Variants in MOV10L1 observed in about 807,000 individuals in gnomAD.
MOV10L1 encodes the protein RNA helicase Mov10l1.
MOV10L1 carries 110 observed loss-of-function variants against 143.8 expected under a neutral mutation model. The ratio of observed to expected loss-of-function variants is 0.76; its 90% CI spans 0.66 to 0.90. The LOEUF is 0.90. Among genes scored for constraint, MOV10L1 ranks in the 40% least tolerant of loss-of-function variants. The pLI is 0.00. For synonymous variants in MOV10L1, 593 were observed against 581.1 expected, an observed-to-expected ratio of 1.02 and a Z score of -0.29; for missense variants, 1,406 against 1,526.8, an observed-to-expected ratio of 0.92 and a Z score of 1.32.
At chr22:50,131,552 C>T (rs2062679388) in intron 13 of MOV10L1, among the ~76,000 whole-genome samples, 1 of 152,088 alleles carries the variant, frequency 6.6e-6, no homozygotes, top group Non-Finnish European at 1.5e-5. Flanking sequence ...TGTTTAGAAA[C>T]TTGGCAGCTT....
chr22:50,160,937 C>T (rs757212885), intron 25 of MOV10L1, 27 bp from the exon 26 acceptor site: 1 of 1,613,802 alleles, frequency 6.2e-7, no homozygotes, highest in South Asian at 1.1e-5. Context: ...CTTGCTCTCA[C>T]ACCAGGCTAA....
chr22:50,161,172 C>T, intron 26 of MOV10L1, 117 bp downstream of exon 26: 1 of 1,174,078 alleles, frequency 8.5e-7, no homozygotes, highest in South Asian at 1.3e-5. Context: ...TAGCCCTCTG[C>T]CGGCCACCGT....
chr22:50,097,900 A>G (rs1024265286), intron 2 of MOV10L1, among the ~76,000 whole-genome samples: 3 of 151,960 alleles, frequency 2.0e-5, no homozygotes, highest in African/African-American at 7.3e-5. Flanking sequence ...ATGATGTGAT[A>G]TTGACTCATT....
rs2147166115 is a variant in MOV10L1, at chr22:50,117,139, C to T, written c.1260-18C>T. The T allele has an allele frequency of 6.3e-7, 1 of 1,585,984 alleles. No individual in the cohort carries two copies. The highest frequency in any genetic ancestry group is 8.6e-7 in the Non-Finnish European group (1 of 1,166,642). On this transcript the variant is annotated intron_variant, in intron 8 of 26. Transcript: ENST00000262794. ...CTTATTTATGACTAAAACTAAATTT[C>T]ATTTTGTTTTTTTCAAGAAATCCTG...
At chr22:50,157,265 T>G (rs2063449800) in intron 22 of MOV10L1, among the ~76,000 whole-genome samples, 1 of 148,446 alleles carries the variant, frequency 6.7e-6, no homozygotes, top group Non-Finnish European at 1.5e-5. Context: ...TTTGCAAAGG[T>G]TTTCTCCCCC....
At chr22:50,145,568 G>A (rs922159592) in intron 18 of MOV10L1, 121 bp from the exon 19 acceptor site, 9 of 1,319,728 alleles carry the variant, frequency 6.8e-6, no homozygotes, top group Middle Eastern at 2.0e-4. Context: ...GATATTTTGA[G>A]AAAAAAACCT....
At chr22:50,155,378 A>G (rs2063399722) in intron 22 of MOV10L1, among the ~76,000 whole-genome samples, 1 of 151,452 alleles carries the variant, frequency 6.6e-6, no homozygotes, top group Non-Finnish European at 1.5e-5. Flanking sequence ...CTCGTGCCTC[A>G]GCCTCCCAAG....
intron 9 of MOV10L1, among the ~76,000 whole-genome samples, chr22:50,119,460 T>C (rs1316367849): frequency 1.3e-5 from 2 of 151,958 alleles, no homozygotes; most frequent in Non-Finnish European, 2.9e-5. Flanking sequence ...AGCAGATCTG[T>C]TCTGGGGGGC....
At chr22:50,155,520 G>A (rs145967240) in intron 22 of MOV10L1, among the ~76,000 whole-genome samples, 1 of 152,072 alleles carries the variant, frequency 6.6e-6, no homozygotes, top group Non-Finnish European at 1.5e-5. Context: ...CTGTCACCCT[G>A]GCTGGAGTGC....
Position 50,158,699 on chromosome 22 carries a change from C to A in MOV10L1, c.3216+493C>A, listed in dbSNP as rs2063486570. 6.4e-6 allele frequency: 1 copy of A among 155,332 alleles called. No individual in the cohort carries two copies. The highest frequency in any genetic ancestry group is 2.4e-5 in the African/African-American group (1 of 41,426). 9.6% of individuals were successfully genotyped at this position (155,332 alleles called of 1,614,324 possible). On this transcript the variant is annotated intron_variant, in intron 23 of 26. Transcript: ENST00000262794. The surrounding 1 kb of genome is among the most constrained non-coding windows in gnomAD (Gnocchi z 5.0). ...GGTGGGGACACAGGTGCCTCCCATG[C>A]CGAACACCAGGTTTCATTCATGAAG...
rs751482988 is a variant in MOV10L1 at position 50,161,479 on chromosome 22, G to A, written c.*30G>A. The stretch of plus-strand genomic sequence containing the variant: ...CAGTGGCTGACAGCAGGGAGGCCAT[G>A]TGCTCAGCCTGGCCACGTTGCCGTT... On this transcript the variant is annotated 3_prime_UTR_variant, in exon 27 of 27. Transcript: ENST00000262794. 6.4e-7 allele frequency: 1 copy of A among 1,558,622 alleles called. No homozygotes were observed. Among genetic ancestry groups the A allele is most frequent in the South Asian group, 1.2e-5 (1 of 84,666 alleles).
intron 2 of MOV10L1, chr22:50,095,484 T>C (rs2062565996): frequency 6.6e-6 from 1 of 152,200 alleles, no homozygotes; most frequent in Admixed American, 6.5e-5. Context: ...AAAGGAGTAC[T>C]CTGGGTTCAG....
Position 50,090,109 on chromosome 22 carries a change from G to C in MOV10L1, c.21G>C (p.Lys7Asn). Reference protein sequence around the residue: MLSLAAKLVAFFWRTAD... With the variant: MLSLAANLVAFFWRTAD... ...GGGCCATGCTGAGCCTCGCAGCCAA[G>C]CTGGTGGCCTTCTTCTGGAGGACGG... Residue 7 changes from lysine to asparagine, a missense_variant, in exon 1 of 27, where the codon AAG (lysine) becomes AAC (asparagine). By Grantham distance (94) the Lys-to-Asn change is moderately conservative (BLOSUM62 0). Transcript: ENST00000262794. 1 of 1,363,366 alleles carries C rather than the reference G, an allele frequency of 7.3e-7. No individual in the cohort carries two copies. The highest frequency in any genetic ancestry group is 9.4e-7 in the Non-Finnish European group (1 of 1,058,382). The allele number at this position is 1,363,366 out of a possible 1,614,324, so 84.5% of individuals were successfully genotyped here.
intron 3 of MOV10L1, 70 bp from the exon 4 acceptor site, chr22:50,108,066 C>A (rs2061921141): frequency 1.5e-6 from 2 of 1,340,286 alleles, no homozygotes; most frequent in Non-Finnish European, 2.1e-6. Flanking sequence ...GAAATGATTT[C>A]AGTGCACCAT....
At chr22:50,147,639 G>C (rs527754447) in intron 19 of MOV10L1, among the ~76,000 whole-genome samples, 1 of 152,358 alleles carries the variant, frequency 6.6e-6, no homozygotes, top group South Asian at 2.1e-4. Flanking sequence ...CACAGCGTTA[G>C]TTGGCCACTG....
intron 3 of MOV10L1, among the ~76,000 whole-genome samples, chr22:50,107,241 A>AT (rs1163951327): frequency 6.7e-6 from 1 of 149,590 alleles, no homozygotes; most frequent in African/African-American, 2.5e-5. Context: ...CTCCCAGCTA[A>AT]TTTTTTGTAT....
In MOV10L1 at chr22:50,115,425, C is replaced by T. The variant is rs577067464; in HGVS notation, c.1259+179C>T. On this transcript the variant is annotated intron_variant, in intron 8 of 26. Transcript: ENST00000262794. ...ACTAAAAATACAAAAATTACTTGGGCCCCTGTAGTCCTAGCTACTCAGGAG... is the reference window on the plus strand; with the variant it reads ...ACTAAAAATACAAAAATTACTTGGGTCCCTGTAGTCCTAGCTACTCAGGAG... Among the ~76,000 whole-genome samples the T allele has an allele frequency of 2.0e-5, 3 of 152,182 alleles. No homozygotes were observed. The South Asian group carries it at 6.2e-4, about 32-fold the overall frequency.
chr22:50,128,839 G>A (rs13054520), intron 13 of MOV10L1, among the ~76,000 whole-genome samples: 21,080 of 150,124 alleles, frequency 0.14, 1,617 homozygotes, highest in Admixed American at 0.21. Flanking sequence ...CACCACGCCC[G>A]GCCATCTTTT....
chr22:50,115,209 G>T lies in MOV10L1; in HGVS notation c.1222G>T (p.Gly408Trp). The change falls in exon 8 of 27, where the codon GGG (glycine) becomes TGG (tryptophan). Residue 408 changes from glycine (G) to tryptophan (W), a missense_variant. Physicochemically the swap from Gly to Trp is radical, Grantham distance 184. Around this residue, in one of 3 missense-constraint regions of MOV10L1, gnomAD observed 1,233 missense variants for 1,351.4 expected, o/e 0.91. Transcript: ENST00000262794. ...TGAGCCTGGGGGGCTTGTCCCTCCA[G>T]GGGGAAAAACCTTCATTGTGGTCAT... Reference protein sequence around the residue: ...EPEPGGLVPPGGKTFIVVICD... With the variant: ...EPEPGGLVPPWGKTFIVVICD... The T allele has an allele frequency of 1.3e-6, 2 of 1,545,646 alleles. No homozygotes were observed. Among genetic ancestry groups the T allele is most frequent in the Non-Finnish European group, 1.7e-6 (2 of 1,156,340 alleles).
Sources: gnomAD v4.1 joint callset for allele counts (sites outside exome capture counted in the v4.1 genomes callset) on GRCh38, gnomAD v4.1.1 for gene constraint, gnomAD v4.1.1 regional missense constraint, Gnocchi (gnomAD v3.1) non-coding constraint, MANE v1.5 for transcripts, NCBI Gene and HGNC (gene_info 2026-07-23, HGNC 2026-07-21) for gene names.